Variants in FSTL5 observed in about 807,000 individuals in gnomAD.
The protein encoded by FSTL5 is follistatin-related protein 5.
In FSTL5, 62 loss-of-function variants were observed where a neutral mutation model predicts 89.1. That is an observed-to-expected ratio of 0.70 (90% CI 0.57 to 0.86). The LOEUF is 0.86. Among genes scored for constraint, FSTL5 ranks in the 40% least tolerant of loss-of-function variants. The pLI, the probability that FSTL5 is intolerant of heterozygous loss-of-function variation, is 0.00. For synonymous variants in FSTL5, 383 were observed against 346.2 expected (o/e 1.11, Z -1.18); for missense variants, 1,057 against 1,001.6 (o/e 1.06, Z -0.75).
In FSTL5 at chr4:162,029,355, A is replaced by T. The variant is rs141535572; in HGVS notation, c.160+4270T>A. On this transcript the variant is annotated intron_variant, in intron 3 of 15. Coordinates refer to ENST00000306100, the MANE Select transcript of FSTL5 (RefSeq NM_020116.5). ...TGTGTGGCTTCCCCTTTTCATGTAC[A>T]TCAATATATATGACATAATACTTGT... 6.6e-3 allele frequency among the ~76,000 whole-genome samples: 1,007 copies of T among 152,258 alleles called. 11 individuals are homozygous for T. Among genetic ancestry groups the T allele is most frequent in the Non-Finnish European group, 0.011 (733 of 68,008 alleles).
intron 6 of FSTL5, among the ~76,000 whole-genome samples, chr4:161,666,865 A>G (rs1336649226): frequency 6.6e-6 from 1 of 152,140 alleles, no homozygotes; most frequent in Non-Finnish European, 1.5e-5. Context: ...CTACTAGGGC[A>G]AAATGGTAGT....
chr4:162,073,307 A>T (rs1460642026), intron 2 of FSTL5, among the ~76,000 whole-genome samples: 3 of 151,694 alleles, frequency 2.0e-5, no homozygotes, highest in Non-Finnish European at 4.4e-5. Flanking sequence ...ATTTTGATTT[A>T]AAAAATAACT....
At chr4:161,818,948 T>A (rs1730412338) in intron 4 of FSTL5, among the ~76,000 whole-genome samples, 1 of 152,126 alleles carries the variant, frequency 6.6e-6, no homozygotes, top group Non-Finnish European at 1.5e-5. Context: ...AAAACCATCT[T>A]AAGTAATAAC....
chr4:161,476,300 G>A (rs970058719), intron 13 of FSTL5, among the ~76,000 whole-genome samples: 1 of 148,896 alleles, frequency 6.7e-6, no homozygotes, highest in Admixed American at 6.8e-5. Flanking sequence ...CGATTCTCCT[G>A]CCTCAGCCTC....
intron 4 of FSTL5, among the ~76,000 whole-genome samples, chr4:161,841,079 A>G (rs114234160): frequency 6.6e-6 from 1 of 152,152 alleles, no homozygotes; most frequent in Admixed American, 6.6e-5. Flanking sequence ...TTCTTATAAC[A>G]GCTGCTTTCT....
At chr4:161,790,952 G>A (rs1294399617) in intron 4 of FSTL5, among the ~76,000 whole-genome samples, 1 of 151,570 alleles carries the variant, frequency 6.6e-6, no homozygotes. Flanking sequence ...TACTCAGTAT[G>A]TGGCTCATGA....
intron 3 of FSTL5, among the ~76,000 whole-genome samples, chr4:162,030,580 C>T (rs1333606852): frequency 1.3e-5 from 2 of 152,026 alleles, no homozygotes; most frequent in Non-Finnish European, 2.9e-5. Context: ...TGAACTTTTT[C>T]GGTGGATGGA....
At chr4:162,124,333 C>G (rs191711997) in intron 1 of FSTL5, among the ~76,000 whole-genome samples, 5 of 152,286 alleles carry the variant, frequency 3.3e-5, no homozygotes, top group Admixed American at 3.3e-4. Context: ...CCATTTATGG[C>G]CTGCTTCAGA....
intron 7 of FSTL5, among the ~76,000 whole-genome samples, chr4:161,603,588 C>T (rs920565584): frequency 1.3e-5 from 2 of 152,190 alleles, no homozygotes; most frequent in Non-Finnish European, 2.9e-5. Context: ...GTTATTAAAG[C>T]CACCAAGTCT....
At chr4:161,522,626 G>T (rs1467014550) in intron 10 of FSTL5, among the ~76,000 whole-genome samples, 1 of 151,120 alleles carries the variant, frequency 6.6e-6, no homozygotes, top group Non-Finnish European at 1.5e-5. Flanking sequence ...CTACAAGATA[G>T]TCAGCAAAGA....
chr4:161,774,561 T>C (rs1430383261), intron 5 of FSTL5, among the ~76,000 whole-genome samples: 1 of 152,104 alleles, frequency 6.6e-6, no homozygotes, highest in African/African-American at 2.4e-5. Context: ...ATCGACTTGA[T>C]CTGATGTCTT....
chr4:161,937,990 T>C (rs529233254), intron 3 of FSTL5, among the ~76,000 whole-genome samples: 77 of 152,296 alleles, frequency 5.1e-4, no homozygotes, highest in South Asian at 1.9e-3. Flanking sequence ...ACTCATCATA[T>C]AGGTCTCATC....
chr4:161,440,451 A>G (rs76042309), intron 15 of FSTL5, among the ~76,000 whole-genome samples: 3,808 of 152,152 alleles, frequency 0.025, 165 homozygotes, highest in African/African-American at 0.086. Context: ...AAATTTTGTG[A>G]TATCTCCCAC....
chr4:161,748,947 G>A (rs540985961), intron 6 of FSTL5, among the ~76,000 whole-genome samples: 60 of 151,948 alleles, frequency 3.9e-4, no homozygotes, highest in Middle Eastern at 3.4e-3. Context: ...ACTAAGCATC[G>A]GATAAATGCA....
At chr4:161,561,952 C>G (rs1732618248) in intron 8 of FSTL5, among the ~76,000 whole-genome samples, 1 of 151,976 alleles carries the variant, frequency 6.6e-6, no homozygotes, top group Admixed American at 6.6e-5. Flanking sequence ...TGCAAGTGTT[C>G]CACTTTCCCT....
chr4:161,384,213 T>C lies in FSTL5; in HGVS notation c.*1534A>G, dbSNP rs1167644596. On this transcript the variant is annotated 3_prime_UTR_variant, in exon 16 of 16. Transcript: ENST00000306100. ...ATATTACACACTATAAAATTTCAGGTTTCTAAGCAGTTTTATACAATTTAA... is the reference window on the plus strand; with the variant it reads ...ATATTACACACTATAAAATTTCAGGCTTCTAAGCAGTTTTATACAATTTAA... The C allele has an allele frequency of 6.6e-6, 1 of 152,124 alleles. No homozygotes were observed. The highest frequency in any genetic ancestry group is 1.5e-5 in the Non-Finnish European group (1 of 67,992). The allele number at this position is 152,124 out of a possible 1,614,324, so 9.4% of individuals were successfully genotyped here.
intron 8 of FSTL5, among the ~76,000 whole-genome samples, chr4:161,567,938 G>C (rs72990927): frequency 0.21 from 32,108 of 151,736 alleles, 3,588 homozygotes; most frequent in Non-Finnish European, 0.24. Flanking sequence ...TCATTGGCTT[G>C]GTGTGTTTTT....
intron 7 of FSTL5, among the ~76,000 whole-genome samples, chr4:161,629,344 G>A (rs6835445): frequency 0.69 from 105,161 of 151,924 alleles, 36,723 homozygotes; most frequent in African/African-American, 0.77. Context: ...TAGTAAATTA[G>A]ATAATTTTTT....
chr4:161,858,182 A>G (rs1731781555), intron 4 of FSTL5, among the ~76,000 whole-genome samples: 1 of 152,108 alleles, frequency 6.6e-6, no homozygotes, highest in East Asian at 1.9e-4. Context: ...GTGAGGATAA[A>G]ATGGGAAGTT....
Sources: gnomAD v4.1 joint callset for allele counts (sites outside exome capture counted in the v4.1 genomes callset) on GRCh38, gnomAD v4.1.1 for gene constraint, MANE v1.5 for transcripts, NCBI Gene and HGNC (gene_info 2026-07-23, HGNC 2026-07-21) for gene names.